The following SLC19A1 variants were observed in gnomAD, a reference collection of about 807,000 sequenced individuals.
SLC19A1 encodes the protein solute carrier family 19 member 1.
In SLC19A1, 37 loss-of-function variants were observed where a neutral mutation model predicts 35.3. The observed-to-expected ratio is 1.05, with a 90% CI of 0.81 to 1.38. SLC19A1 has a LOEUF of 1.38. SLC19A1 is among the 40% of genes most tolerant of loss of function. SLC19A1 has a pLI of 0.00. For missense variants in SLC19A1, 831 were observed against 826.9 expected (o/e 1.00, Z -0.06); for synonymous variants, 460 against 398.5 (o/e 1.15, Z -1.84).
chr21:45,550,003 T>C (rs2078450270), intron 1 of SLC19A1, among the ~76,000 whole-genome samples: 1 of 152,004 alleles, frequency 6.6e-6, no homozygotes, highest in South Asian at 2.1e-4. Flanking sequence ...CCCCGAACTC[T>C]CTGGCATCTT....
downstream of SLC19A1, chr21:45,510,156 G>T: frequency 6.3e-7 from 1 of 1,596,480 alleles, no homozygotes; most frequent in East Asian, 2.3e-5. Context: ...CGCGGGCCGT[G>T]GGGCTGGCGG....
rs368077149 is a variant in SLC19A1 at position 45,505,193 on chromosome 21, C to T, written c.498-6581G>A. 6.5e-5 allele frequency: 104 copies of T among 1,604,410 alleles called. No individual in the cohort carries two copies. Among genetic ancestry groups the T allele is most frequent in the Middle Eastern group, 5.0e-4 (3 of 6,052 alleles). ...GCCCACCTGGACCTCAGGGACCCCCCGGCATCGGCTACGAGGGGCGCCAGG... is the reference window on the plus strand; with the variant it reads ...GCCCACCTGGACCTCAGGGACCCCCTGGCATCGGCTACGAGGGGCGCCAGG... On this transcript the variant is annotated intron_variant, in intron 3 of 4. Coordinates refer to the SLC19A1 transcript ENST00000417954.
At chr21:45,516,827 C>T (rs763660615) in intron 5 of SLC19A1, among the ~76,000 whole-genome samples, 3 of 152,194 alleles carry the variant, frequency 2.0e-5, no homozygotes, top group Non-Finnish European at 4.4e-5. Context: ...CAGTGAGTCC[C>T]GCCCAAGACC....
intron 3 of SLC19A1, chr21:45,506,968 G>T: frequency 3.7e-6 from 1 of 270,706 alleles, no homozygotes. Context: ...TGCCAGGTGT[G>T]CTTGTAGGCA....
At chr21:45,546,978 A>G (rs1367444078), upstream of SLC19A1, among the ~76,000 whole-genome samples, 3 of 152,256 alleles carry the variant, frequency 2.0e-5, no homozygotes, top group African/African-American at 7.2e-5. Flanking sequence ...TGCAATTGTC[A>G]GGGCAGTAAA....
chr21:45,505,650 C>T (rs1009381986), intron 3 of SLC19A1, among the ~76,000 whole-genome samples: 2 of 152,170 alleles, frequency 1.3e-5, no homozygotes, highest in Non-Finnish European at 1.5e-5. Context: ...TGTACATTGT[C>T]CACGGAGGCG....
chr21:45,505,627 A>G (rs1433680833), intron 3 of SLC19A1, among the ~76,000 whole-genome samples: 1 of 152,108 alleles, frequency 6.6e-6, no homozygotes, highest in African/African-American at 2.4e-5. Context: ...CCAGCCGGGA[A>G]GTGCCCAGGG....
At position 45,515,737 on chromosome 21, in the gene SLC19A1, A is replaced by T. The variant is rs758626496; in HGVS notation, c.1697T>A (p.Leu566Gln). The T allele has an allele frequency of 3.4e-5, 55 of 1,613,828 alleles. 1 individual carries two copies. The South Asian group carries it at 5.8e-4, about 17-fold the overall frequency. Residue 566 changes from leucine (L) to glutamine (Q), a missense_variant, in exon 6 of 6, where the codon CTG (leucine) becomes CAG (glutamine). Coordinates refer to ENST00000311124, the MANE Select transcript of SLC19A1 (RefSeq NM_194255.4). The part of the protein sequence containing the change: ...PEAADETCPQ[L>Q]AVHPPGVSKL... Reference sequence around the variant, plus strand: ...GCTGACACCAGGAGGATGGACAGCCAGCTGGGGACAAGTCTCATCTGCAGC... The same window carrying T: ...GCTGACACCAGGAGGATGGACAGCCTGCTGGGGACAAGTCTCATCTGCAGC...
rs377152291 is a variant in SLC19A1, at chr21:45,505,948, C to T, written c.498-7336G>A. 521 of 1,613,260 alleles carry T rather than the reference C, an allele frequency of 3.2e-4. 6 individuals carry two copies. The African/African-American group carries it at 3.2e-3, about 10-fold the overall frequency. ...AGGAGCTCTACGTCCGCGTGCAGAA[C>T]GGGTTCCGGAAGGTCCAGGTGAGCG... On this transcript the variant is annotated intron_variant, in intron 3 of 4. Coordinates refer to the SLC19A1 transcript ENST00000417954.
At chr21:45,524,877 T>C (rs553436063) in intron 5 of SLC19A1, among the ~76,000 whole-genome samples, 3 of 148,842 alleles carry the variant, frequency 2.0e-5, no homozygotes, top group African/African-American at 7.5e-5. Flanking sequence ...CCCTGGGCCT[T>C]GGAGACTCAC....
In SLC19A1 at chr21:45,525,907, C is replaced by T. The variant is rs768010590; in HGVS notation, c.1203G>A (p.Gly401=). 6.8e-6 allele frequency: 11 copies of T among 1,613,678 alleles called. No individual in the cohort carries two copies. The highest frequency in any genetic ancestry group is 9.3e-6 in the Non-Finnish European group (11 of 1,179,966). ...CGATGGTGGCAAAGAACGTGTTGAC[C>T]CCGAAGACCAGGGCACAGAGCTCTT... The part of the protein sequence containing the change: ...LSKELCALVF[G]VNTFFATIVK... Residue 401 remains glycine (G), a synonymous_variant, in exon 5 of 6, where the codon GGG becomes GGA. Transcript: ENST00000311124.
chr21:45,522,342 C>T (rs142928863), intron 5 of SLC19A1, among the ~76,000 whole-genome samples: 12 of 152,334 alleles, frequency 7.9e-5, no homozygotes, highest in South Asian at 2.1e-4. Context: ...AGTGGCAACA[C>T]GGCATACCAA....
chr21:45,538,964 G>A (rs571706103), intron 1 of SLC19A1, among the ~76,000 whole-genome samples: 145 of 152,338 alleles, frequency 9.5e-4, no homozygotes, highest in African/African-American at 3.4e-3. Context: ...TTTCAGTCCT[G>A]ATTCTGCCCA....
At chr21:45,509,805 C>T (rs2037464211), downstream of SLC19A1, among the ~76,000 whole-genome samples, 1 of 152,186 alleles carries the variant, frequency 6.6e-6, no homozygotes, top group South Asian at 2.1e-4. Flanking sequence ...AAAGTCCAGC[C>T]GCTGTCACAT....
intron 3 of SLC19A1, chr21:45,503,878 A>T (rs2037019590): frequency 6.2e-6 from 5 of 808,114 alleles, no homozygotes; most frequent in African/African-American, 1.7e-5. Flanking sequence ...GAAGAACCTA[A>T]TTAAATACGC....
In SLC19A1 at chr21:45,531,572, G is replaced by A. The variant is rs753348066; in HGVS notation, c.766C>T (p.Arg256Trp). 5.0e-6 allele frequency: 8 copies of A among 1,612,236 alleles called. No homozygotes were observed. The highest frequency in any genetic ancestry group is 1.3e-5 in the African/African-American group (1 of 75,010). ...CGDSVLARML[R>W]ELGDSLRRPQ... ...CGCCGCAGGCTGTCCCCCAGCTCCC[G>A]CAGCATCCGCGCCAGCACTGAGTCC... The change falls in exon 3 of 6, where the codon CGG (arginine) becomes TGG (tryptophan). Residue 256 changes from arginine (R) to tryptophan (W), a missense_variant. Coordinates refer to ENST00000311124, the MANE Select transcript of SLC19A1 (RefSeq NM_194255.4).
chr21:45,559,856 T>C (rs555865074), intron 1 of SLC19A1, among the ~76,000 whole-genome samples: 45 of 152,212 alleles, frequency 3.0e-4, no homozygotes, highest in Non-Finnish European at 4.9e-4. Flanking sequence ...CAAGCAGATT[T>C]ATTTTTACTG....
Position 45,504,793 on chromosome 21 carries a change from G to C in SLC19A1, c.498-6181C>G, listed in dbSNP as rs767646662. On this transcript the variant is annotated intron_variant, in intron 3 of 4. Transcript: ENST00000417954. ...CGTTCCATGGCCTGCCCTCCTGCTGGGGCCACGTGCATCCACCTCTGCTCC... is the reference window on the plus strand; with the variant it reads ...CGTTCCATGGCCTGCCCTCCTGCTGCGGCCACGTGCATCCACCTCTGCTCC... 9.1e-4 allele frequency among the ~76,000 whole-genome samples: 138 copies of C among 152,232 alleles called. 1 individual carries two copies. The highest frequency in any genetic ancestry group is 1.7e-3 in the Non-Finnish European group (118 of 67,978).
In SLC19A1 at chr21:45,540,336, C is replaced by A. The variant is rs1300573882; in HGVS notation, c.-50+2032G>T. 1.3e-5 allele frequency among the ~76,000 whole-genome samples: 2 copies of A among 152,190 alleles called. No homozygotes were observed. The highest frequency in any genetic ancestry group is 4.8e-5 in the African/African-American group (2 of 41,440). On this transcript the variant is annotated intron_variant, in intron 1 of 5. Transcript: ENST00000311124. The surrounding 1 kb of genome is among the most constrained non-coding windows in gnomAD (Gnocchi z 5.5). The stretch of plus-strand genomic sequence containing the variant: ...CAACGGGGAGCCATCAGGAGCTGAA[C>A]TAAGCCCAGGGTCTGCGCCCACAGT...
Sources: allele counts gnomAD v4.1 joint callset (sites outside exome capture counted in the v4.1 genomes callset), GRCh38; gene constraint gnomAD v4.1.1; non-coding constraint Gnocchi (gnomAD v3.1); transcripts MANE v1.5; gene names NCBI Gene and HGNC (gene_info 2026-07-23, HGNC 2026-07-21).